The following PTK2 variants were observed in gnomAD, a reference collection of about 807,000 sequenced individuals.
PTK2 encodes the protein focal adhesion kinase 1.
PTK2 carries 45 observed loss-of-function variants against 150.1 expected under a neutral mutation model. The ratio of observed to expected loss-of-function variants is 0.30; its 90% confidence interval spans 0.24 to 0.38. The LOEUF is 0.38. Among genes scored for constraint, PTK2 ranks in the 10% least tolerant of loss-of-function variants. PTK2 has a pLI of 1.00. For synonymous variants in PTK2, 432 were observed against 449.2 expected (o/e 0.96, Z 0.48); for missense variants, 919 against 1,307.3 (o/e 0.70, Z 4.58).
intron 8 of PTK2, among the ~76,000 whole-genome samples, chr8:140,826,658 G>GT (rs1567098571): frequency 6.6e-6 from 1 of 152,134 alleles, no homozygotes; most frequent in Non-Finnish European, 1.5e-5. Flanking sequence ...GTTCACATCC[G>GT]TAATCCCAGC....
chr8:140,793,763 C>G (rs941131763), intron 12 of PTK2, among the ~76,000 whole-genome samples: 3 of 152,200 alleles, frequency 2.0e-5, no homozygotes, highest in African/African-American at 7.2e-5. Context: ...AACAGAAAAA[C>G]CTGTGCAGGA....
chr8:140,709,068 A>G (rs1382645339), intron 23 of PTK2, among the ~76,000 whole-genome samples: 2 of 152,218 alleles, frequency 1.3e-5, no homozygotes, highest in African/African-American at 4.8e-5. Flanking sequence ...ATTGCTATGA[A>G]GCAATATTAT....
intron 11 of PTK2, among the ~76,000 whole-genome samples, chr8:140,801,418 A>G (rs2100094948): frequency 6.6e-6 from 1 of 152,196 alleles, no homozygotes; most frequent in African/African-American, 2.4e-5. Context: ...TTCTCATGCC[A>G]CTTGTTTTAA....
At chr8:140,860,720 C>T (rs754190070) in intron 5 of PTK2, among the ~76,000 whole-genome samples, 9 of 152,168 alleles carry the variant, frequency 5.9e-5, no homozygotes, top group East Asian at 1.9e-4. Flanking sequence ...GTGATCCACC[C>T]GCCTCGGCCT....
chr8:140,881,474 G>C (rs578138159), intron 3 of PTK2, among the ~76,000 whole-genome samples: 8 of 152,154 alleles, frequency 5.3e-5, no homozygotes, highest in African/African-American at 9.7e-5. Flanking sequence ...ACCAACACCA[G>C]TTATCCTTGG....
rs186838333 is a variant in PTK2 at position 140,743,126 on chromosome 8, T to G, written c.1735+104A>C. 9 of 783,004 alleles carry G rather than the reference T, an allele frequency of 1.1e-5. No homozygotes were observed. In the Admixed American group the frequency reaches 2.4e-4, roughly 21 times the overall value. The allele number at this position is 783,004 out of a possible 1,614,324, so 48.5% of individuals were successfully genotyped here. ...TGTCGCTTCCTCCATTTAGTTGATTTTATATCTCTGTCAAAGATCAGGTGA... is the reference window on the plus strand; with the variant it reads ...TGTCGCTTCCTCCATTTAGTTGATTGTATATCTCTGTCAAAGATCAGGTGA... On this transcript the variant is annotated intron_variant, in intron 20 of 31. Transcript: ENST00000522684.
At chr8:140,778,539 G>GTT (rs1268261750) in intron 14 of PTK2, among the ~76,000 whole-genome samples, 1 of 152,190 alleles carries the variant, frequency 6.6e-6, no homozygotes, top group Non-Finnish European at 1.5e-5. Flanking sequence ...AATGCTGGAG[G>GTT]TTTAAGGAAA....
chr8:140,732,714 A>G (rs1246988450), intron 22 of PTK2: 2 of 378,170 alleles, frequency 5.3e-6, no homozygotes, highest in Non-Finnish European at 1.1e-5. Context: ...TAGGTGCTCA[A>G]CAGTGTTTAT....
intron 4 of PTK2, among the ~76,000 whole-genome samples, chr8:140,868,587 C>T (rs911372579): frequency 6.6e-6 from 1 of 152,166 alleles, no homozygotes; most frequent in Non-Finnish European, 1.5e-5. Context: ...CAAGTTAGAA[C>T]CACCTGTAAA....
At chr8:140,845,740 A>C (rs2100125031) in intron 7 of PTK2, among the ~76,000 whole-genome samples, 1 of 152,180 alleles carries the variant, frequency 6.6e-6, no homozygotes, top group Non-Finnish European at 1.5e-5. Context: ...AATTATGAAA[A>C]AGATGAAGTA....
chr8:140,750,139 A>G (rs1359564465), intron 17 of PTK2: 1 of 152,212 alleles, frequency 6.6e-6, no homozygotes, highest in East Asian at 1.9e-4. Flanking sequence ...TACTTAAGTC[A>G]AAGTTTCAGG....
At chr8:140,911,900 C>A (rs1454776985) in intron 2 of PTK2, among the ~76,000 whole-genome samples, 3 of 152,018 alleles carry the variant, frequency 2.0e-5, no homozygotes, top group Non-Finnish European at 4.4e-5. Context: ...AACATAGATA[C>A]AAATAATCTG....
intron 22 of PTK2, among the ~76,000 whole-genome samples, chr8:140,730,978 G>C (rs1592603784): frequency 9.5e-6 from 1 of 105,142 alleles, no homozygotes. Flanking sequence ...TTTTTTTTGA[G>C]ACAAAGTCTC....
intron 22 of PTK2, among the ~76,000 whole-genome samples, chr8:140,722,200 T>G (rs755799098): frequency 7.2e-5 from 11 of 152,368 alleles, no homozygotes; most frequent in South Asian, 2.1e-4. Flanking sequence ...CTCAAACTCC[T>G]GGGCTCAAGT....
chr8:140,749,966 T>A (rs1021740984), intron 17 of PTK2, among the ~76,000 whole-genome samples: 1 of 152,230 alleles, frequency 6.6e-6, no homozygotes, highest in African/African-American at 2.4e-5. Flanking sequence ...AACCAATTTT[T>A]AAAATTTTCA....
intron 27 of PTK2, among the ~76,000 whole-genome samples, chr8:140,679,864 C>T (rs979850404): frequency 6.6e-6 from 1 of 152,132 alleles, no homozygotes; most frequent in Non-Finnish European, 1.5e-5. Flanking sequence ...AGTGTTAAAG[C>T]TGGAGTGTTT....
chr8:140,703,678 A>C (rs553603501), intron 24 of PTK2, among the ~76,000 whole-genome samples: 1 of 152,356 alleles, frequency 6.6e-6, no homozygotes, highest in South Asian at 2.1e-4. Context: ...TGGTAGGGTA[A>C]GTCGTACCTT....
chr8:140,697,493 T>C (rs963492496), intron 26 of PTK2, among the ~76,000 whole-genome samples: 16 of 151,372 alleles, frequency 1.1e-4, no homozygotes, highest in Admixed American at 2.0e-4. Flanking sequence ...CAGGCTGGAG[T>C]GCAGTGGCAC....
intron 1 of PTK2, among the ~76,000 whole-genome samples, chr8:140,927,961 A>AG (rs2100170196): frequency 3.1e-5 from 1 of 32,760 alleles, no homozygotes; most frequent in Admixed American, 4.3e-4. Context: ...AAAAAAAGAA[A>AG]AAAAAAAAAA....
Sources: allele counts gnomAD v4.1 joint callset (sites outside exome capture counted in the v4.1 genomes callset), GRCh38; gene constraint gnomAD v4.1.1; transcripts MANE v1.5; gene names NCBI Gene and HGNC (gene_info 2026-07-23, HGNC 2026-07-21).